UNC13C: variants seen among roughly 807,000 people sequenced by gnomAD.
UNC13C encodes the protein protein unc-13 homolog C.
Under a neutral mutation model 245.4 loss-of-function variants are expected in UNC13C, and 174 were observed. That is an observed-to-expected ratio of 0.71 (90% CI 0.63 to 0.80). UNC13C has a LOEUF of 0.80. UNC13C is among the 30% of genes least tolerant of loss of function. The pLI, the probability that UNC13C is intolerant of heterozygous loss-of-function variation, is 0.00. For missense variants in UNC13C, 2,829 were observed against 2,602.9 expected (o/e 1.09, Z -1.89); for synonymous variants, 992 against 895.1 (o/e 1.11, Z -1.93).
At chr15:54,180,131 T>G (rs79850738) in intron 4 of UNC13C, among the ~76,000 whole-genome samples, 2,637 of 152,152 alleles carry the variant, frequency 0.017, 77 homozygotes, top group African/African-American at 0.062. Flanking sequence ...ACATAGCACC[T>G]GATAGTTTTT....
chr15:54,516,792 G>A (rs1227440281), intron 24 of UNC13C, among the ~76,000 whole-genome samples: 11 of 51,218 alleles, frequency 2.1e-4, no homozygotes, highest in African/African-American at 1.0e-3. Flanking sequence ...GGAGTGAGAT[G>A]CTGTCTCAAA....
At chr15:54,278,083 G>C (rs572000584) in intron 10 of UNC13C, among the ~76,000 whole-genome samples, 24 of 152,052 alleles carry the variant, frequency 1.6e-4, no homozygotes, top group African/African-American at 5.3e-4. Flanking sequence ...GCTCTCTACC[G>C]ACCTAACTTT....
At chr15:54,325,553 C>T (rs901701125) in intron 14 of UNC13C, among the ~76,000 whole-genome samples, 5 of 152,004 alleles carry the variant, frequency 3.3e-5, no homozygotes, top group Non-Finnish European at 7.4e-5. Flanking sequence ...AATGCTATCC[C>T]TCCCCCAGCC....
In UNC13C at chr15:54,238,491, C is replaced by T. The variant is rs540517129; in HGVS notation, c.3228+801C>T. On this transcript the variant is annotated intron_variant, in intron 7 of 32. Coordinates refer to ENST00000260323, the MANE Select transcript of UNC13C (RefSeq NM_001080534.3). ...TTATTATATCCCACAGGTTATGTTA[C>T]TTCTTCAAGCCTGAGTTCTCTCATC... Among the ~76,000 whole-genome samples, 7 of 152,286 alleles carry T rather than the reference C, an allele frequency of 4.6e-5. No homozygotes were observed. In the East Asian group the frequency reaches 1.2e-3, roughly 25 times the overall value.
chr15:54,454,247 A>G (rs1339948072), intron 19 of UNC13C, among the ~76,000 whole-genome samples: 1 of 152,018 alleles, frequency 6.6e-6, no homozygotes, highest in Admixed American at 6.5e-5. Flanking sequence ...GGACTTTTTC[A>G]TCTTCATCCC....
intron 30 of UNC13C, 111 bp downstream of exon 30, chr15:54,568,058 T>C: frequency 1.2e-6 from 1 of 807,774 alleles, no homozygotes; most frequent in Non-Finnish European, 1.7e-6. Flanking sequence ...TGAATTGAAG[T>C]ATCATTAAAA....
intron 18 of UNC13C, among the ~76,000 whole-genome samples, chr15:54,395,280 A>G (rs1437409388): frequency 6.6e-6 from 1 of 151,820 alleles, no homozygotes; most frequent in Admixed American, 6.6e-5. Flanking sequence ...GTGAGATTTC[A>G]TTTATATCTG....
intron 4 of UNC13C, among the ~76,000 whole-genome samples, chr15:54,167,629 C>G (rs909166759): frequency 3.9e-5 from 3 of 76,316 alleles, no homozygotes; most frequent in South Asian, 4.4e-4. Flanking sequence ...AAAAAAGAAA[C>G]AAAACCAAAT....
chr15:54,419,290 T>G (rs2040587612), intron 19 of UNC13C, among the ~76,000 whole-genome samples: 1 of 152,106 alleles, frequency 6.6e-6, no homozygotes, highest in Admixed American at 6.6e-5. Context: ...TGGTCCAACT[T>G]AAAAAGTAAT....
intron 2 of UNC13C, among the ~76,000 whole-genome samples, chr15:54,140,118 T>A (rs2031943812): frequency 6.6e-6 from 1 of 152,156 alleles, no homozygotes; most frequent in Non-Finnish European, 1.5e-5. Flanking sequence ...GTGCTTCTTT[T>A]ACAAAATTTT....
intron 13 of UNC13C, among the ~76,000 whole-genome samples, chr15:54,319,310 A>C (rs1485030370): frequency 1.3e-5 from 2 of 151,760 alleles, no homozygotes; most frequent in Non-Finnish European, 2.9e-5. Context: ...AAAAAAAAGA[A>C]ATGTGATAGC....
At chr15:54,418,274 A>G (rs1302598728) in intron 19 of UNC13C, among the ~76,000 whole-genome samples, 1 of 152,170 alleles carries the variant, frequency 6.6e-6, no homozygotes, top group Non-Finnish European at 1.5e-5. Flanking sequence ...ATAAAACCAC[A>G]TTTTAGCCAT....
intron 18 of UNC13C, 44 bp from the exon 19 acceptor site, chr15:54,414,938 A>G (rs758249852): frequency 3.3e-6 from 5 of 1,508,412 alleles, no homozygotes; most frequent in Middle Eastern, 1.7e-4. Context: ...GTTTTTAGGC[A>G]TGCTTTTCTT....
chr15:54,484,016 C>T (rs1893271721), intron 19 of UNC13C, among the ~76,000 whole-genome samples: 1 of 151,932 alleles, frequency 6.6e-6, no homozygotes, highest in Non-Finnish European at 1.5e-5. Context: ...TCTTCCATAC[C>T]TTTCATACAT....
intron 19 of UNC13C, among the ~76,000 whole-genome samples, chr15:54,450,168 T>A (rs998714259): frequency 2.6e-5 from 4 of 152,216 alleles, no homozygotes; most frequent in African/African-American, 4.8e-5. Context: ...CGATGAGGTG[T>A]CAGTCTTCCC....
intron 25 of UNC13C, among the ~76,000 whole-genome samples, chr15:54,530,784 G>A (rs1895701796): frequency 6.6e-6 from 1 of 152,158 alleles, no homozygotes; most frequent in Non-Finnish European, 1.5e-5. Flanking sequence ...GAGGTCTATT[G>A]TGGCTGGTGC....
intron 19 of UNC13C, among the ~76,000 whole-genome samples, chr15:54,418,338 C>T (rs553429361): frequency 1.3e-5 from 2 of 152,206 alleles, no homozygotes; most frequent in African/African-American, 4.8e-5. Flanking sequence ...CTGTCTAATA[C>T]AAAGTCGAAA....
rs373992450 is a variant in UNC13C, at chr15:54,569,825, G to A, written c.6106+1878G>A. 1.1e-4 allele frequency among the ~76,000 whole-genome samples: 16 copies of A among 151,448 alleles called. 1 individual carries two copies. The South Asian group carries it at 3.1e-3, about 30-fold the overall frequency. On this transcript the variant is annotated intron_variant, in intron 30 of 32. Transcript: ENST00000260323. ...ATTTTTTTTTCAGATAACTGAAATT[G>A]GTAGGATATAGATACGAAATGGTTT... is the stretch of plus-strand genomic sequence containing the variant.
At chr15:54,530,871 T>C (rs1481311639) in intron 25 of UNC13C, among the ~76,000 whole-genome samples, 1 of 152,158 alleles carries the variant, frequency 6.6e-6, no homozygotes, top group Non-Finnish European at 1.5e-5. Flanking sequence ...GCTTTCAGTC[T>C]GTCAAATACA....
Sources: gnomAD v4.1 joint callset for allele counts (sites outside exome capture counted in the v4.1 genomes callset) on GRCh38, gnomAD v4.1.1 for gene constraint, MANE v1.5 for transcripts, NCBI Gene and HGNC (gene_info 2026-07-23, HGNC 2026-07-21) for gene names.